FRMPD3: variants seen among roughly 807,000 people sequenced by gnomAD.
The protein encoded by FRMPD3 is FERM and PDZ domain containing 3.
FRMPD3 carries 42 observed loss-of-function variants against 97.9 expected under a neutral mutation model. The observed-to-expected ratio is 0.43, with a 90% CI of 0.34 to 0.55. The LOEUF (loss-of-function observed/expected upper bound fraction) is 0.55. FRMPD3 is among the 20% of genes least tolerant of loss of function. The pLI, the probability that FRMPD3 is intolerant of heterozygous loss-of-function variation, is 0.03. For synonymous variants in FRMPD3, 577 were observed against 581.1 expected, an observed-to-expected ratio of 0.99 and a Z score of 0.10; for missense variants, 1,303 against 1,457.7, an observed-to-expected ratio of 0.89 and a Z score of 1.73.
At chrX:107,599,403 C>T (rs748102809) in intron 14 of FRMPD3, among the ~76,000 whole-genome samples, 209 of 111,995 alleles carry the variant, frequency 1.9e-3, no homozygotes, top group Middle Eastern at 4.6e-3. Flanking sequence ...ACACCCTTGA[C>T]ATTGGACAAC....
intron 1 of FRMPD3, among the ~76,000 whole-genome samples, chrX:107,521,527 A>G (rs1433823029): frequency 8.9e-6 from 1 of 112,593 alleles, no homozygotes; most frequent in East Asian, 2.8e-4. Context: ...ACAAGCAAGT[A>G]CTCCTTTACA....
At chrX:107,456,008 G>A (rs1386859644) in intron 1 of FRMPD3, among the ~76,000 whole-genome samples, 1 of 111,247 alleles carries the variant, frequency 9.0e-6, no homozygotes, top group Non-Finnish European at 1.9e-5. Context: ...GAGAAATAGG[G>A]CAGGAATGGA....
At chrX:107,554,246 C>G (rs1006474861) in intron 7 of FRMPD3, 139 bp from the exon 8 acceptor site, 1 of 605,107 alleles carries the variant, frequency 1.7e-6, no homozygotes. Context: ...TAGAATCAGC[C>G]AGGTCGGAGA....
Position 107,449,683 on chromosome X carries a change from A to C in FRMPD3, c.-330A>C, listed in dbSNP as rs1931236705. Reference sequence around the variant, plus strand: ...GGAGCGAGAGAGCGACGAGCGAGCCACGGCGATGGTGCCGCCCGCGGCGCA... The same window carrying C: ...GGAGCGAGAGAGCGACGAGCGAGCCCCGGCGATGGTGCCGCCCGCGGCGCA... On this transcript the variant is annotated 5_prime_UTR_variant, in exon 1 of 15. Transcript: ENST00000683843. Among the ~76,000 whole-genome samples the C allele has an allele frequency of 9.4e-6, 1 of 106,686 alleles. No homozygotes were observed. 92.6% of individuals were successfully genotyped at this position (106,686 alleles called of 115,157 possible).
chrX:107,496,494 T>C (rs1195021957), intron 1 of FRMPD3, among the ~76,000 whole-genome samples: 2 of 112,118 alleles, frequency 1.8e-5, no homozygotes, highest in Non-Finnish European at 3.8e-5. Context: ...GAAATCCTGA[T>C]TTAGCTAAAG....
intron 1 of FRMPD3, among the ~76,000 whole-genome samples, chrX:107,517,179 G>A (rs112015121): frequency 5.4e-5 from 6 of 111,654 alleles, no homozygotes; most frequent in East Asian, 2.8e-4. Flanking sequence ...GTAGATATGC[G>A]GCATTATTTC....
At chrX:107,456,433 C>A (rs1446069529) in intron 1 of FRMPD3, among the ~76,000 whole-genome samples, 2 of 111,923 alleles carry the variant, frequency 1.8e-5, no homozygotes, top group Non-Finnish European at 3.8e-5. Context: ...AACTAGTTAT[C>A]AGGACTTTGC....
chrX:107,600,800 C>T lies in FRMPD3; in HGVS notation c.2761C>T (p.Leu921Phe). ...EMSLRAATSSLSEEQVSELRD... is the reference protein window; with the variant it reads ...EMSLRAATSSFSEEQVSELRD... ...GTCACTGAGGGCAGCCACATCATCC[C>T]TCAGTGAAGAGCAGGTCTCTGAGCT... is the stretch of plus-strand genomic sequence containing the variant. The change falls in exon 15 of 15, where the codon CTC becomes TTC. Residue 921 changes from leucine to phenylalanine, a missense_variant. Leu to Phe is a conservative substitution (Grantham distance 22). Transcript: ENST00000683843. 3 of 1,209,108 alleles carry T rather than the reference C, an allele frequency of 2.5e-6. No individual in the cohort carries two copies. Among genetic ancestry groups the T allele is most frequent in the Non-Finnish European group, 2.2e-6 (2 of 894,505 alleles).
chrX:107,552,433 A>G (rs1314876184), intron 6 of FRMPD3, among the ~76,000 whole-genome samples: 1 of 112,523 alleles, frequency 8.9e-6, no homozygotes, highest in African/African-American at 3.2e-5. Flanking sequence ...TGAAGGGAGA[A>G]CCAACACAGT....
intron 1 of FRMPD3, among the ~76,000 whole-genome samples, chrX:107,510,063 C>T (rs1018327829): frequency 9.0e-6 from 1 of 111,194 alleles, no homozygotes; most frequent in Admixed American, 9.5e-5. Flanking sequence ...TCTTCCATAA[C>T]AGAGAGCCCC....
chrX:107,496,754 A>G (rs1315302636), intron 1 of FRMPD3, among the ~76,000 whole-genome samples: 1 of 111,004 alleles, frequency 9.0e-6, no homozygotes, highest in Non-Finnish European at 1.9e-5. Context: ...GCTCTCCCCT[A>G]CCCTCAGTGA....
intron 1 of FRMPD3, chrX:107,513,309 A>G (rs1356236987): frequency 9.0e-6 from 1 of 111,490 alleles, no homozygotes; most frequent in Non-Finnish European, 1.9e-5. Flanking sequence ...TCAGCTGAAG[A>G]GGAAGTTGCA....
intron 1 of FRMPD3, among the ~76,000 whole-genome samples, chrX:107,467,042 A>AAG (rs1199019654): frequency 1.2e-5 from 1 of 80,606 alleles, no homozygotes; most frequent in African/African-American, 4.9e-5. Context: ...GAGAGAGAGA[A>AAG]AGAGAGAGAA....
chrX:107,462,849 G>A (rs1249694549), intron 1 of FRMPD3, among the ~76,000 whole-genome samples: 1 of 111,760 alleles, frequency 8.9e-6, no homozygotes, highest in Non-Finnish European at 1.9e-5. Context: ...TCTCACTAAA[G>A]TATTTCTCCT....
rs745545763 is a variant in FRMPD3, at chrX:107,576,299, C to G, written c.1297-16C>G. On this transcript the variant is annotated splice_polypyrimidine_tract_variant and intron_variant, in intron 12 of 14. Coordinates refer to ENST00000683843, the MANE Select transcript of FRMPD3 (RefSeq NM_001388459.1). ...TCCTTCCCATGTCTTCATGTTTCTT[C>G]CCTTCTCTTCTGCAGCCTCTGGTGC... 1.6e-5 allele frequency: 19 copies of G among 1,205,656 alleles called. No individual in the cohort carries two copies. Among genetic ancestry groups the G allele is most frequent in the South Asian group, 1.8e-5 (1 of 56,074 alleles).
chrX:107,485,665 T>TA (rs1282351629), intron 1 of FRMPD3, among the ~76,000 whole-genome samples: 8 of 111,471 alleles, frequency 7.2e-5, no homozygotes. Flanking sequence ...TGCCCCTGAG[T>TA]AAATTATCTT....
At chrX:107,546,924 G>A (rs1418480459) in intron 5 of FRMPD3, among the ~76,000 whole-genome samples, 1 of 111,320 alleles carries the variant, frequency 9.0e-6, no homozygotes, top group Non-Finnish European at 1.9e-5. Context: ...GAGGACACAG[G>A]TGTCTTCCAT....
At chrX:107,504,832 G>A (rs976233952) in intron 1 of FRMPD3, among the ~76,000 whole-genome samples, 7 of 112,151 alleles carry the variant, frequency 6.2e-5, no homozygotes, top group Admixed American at 5.6e-4. Context: ...TGCAGTCCTT[G>A]AGTTGGGTGG....
intron 1 of FRMPD3, among the ~76,000 whole-genome samples, chrX:107,520,467 CT>C (rs1417049609): frequency 5.6e-5 from 6 of 107,072 alleles, no homozygotes; most frequent in Non-Finnish European, 9.6e-5. Flanking sequence ...TGGCAAAACC[CT>C]GTCTCTACTA....
Sources: gnomAD v4.1 joint callset for allele counts (sites outside exome capture counted in the v4.1 genomes callset) on GRCh38, gnomAD v4.1.1 for gene constraint, MANE v1.5 for transcripts, NCBI Gene and HGNC (gene_info 2026-07-23, HGNC 2026-07-21) for gene names.